MORC1: variants seen among roughly 807,000 people sequenced by gnomAD.
MORC1 encodes the protein MORC family CW-type zinc finger 1.
Under a neutral mutation model 134.9 loss-of-function variants are expected in MORC1, and 59 were observed. That is an observed-to-expected ratio of 0.44 (90% CI 0.35 to 0.54). The LOEUF (loss-of-function observed/expected upper bound fraction) is 0.54, where lower values mean the gene tolerates loss of function less well. Ranked by LOEUF, MORC1 falls within the 20% of genes least tolerant of loss-of-function variation. The pLI is 0.00. For synonymous variants in MORC1, 395 were observed against 391.7 expected (o/e 1.01, Z -0.10); for missense variants, 947 against 1,134.5 (o/e 0.83, Z 2.37).
chr3:108,969,999 A>G (rs1312553951), intron 25 of MORC1, among the ~76,000 whole-genome samples: 1 of 152,254 alleles, frequency 6.6e-6, no homozygotes, highest in Non-Finnish European at 1.5e-5. Context: ...AGGAAAATTA[A>G]GCGATAAAAT....
rs761608344 is a variant in MORC1, at chr3:109,005,187, T to G, written c.1896A>C (p.Val632=). Residue 632 remains valine (V), a synonymous_variant, in exon 19 of 28, where the codon GTA becomes GTC. Coordinates refer to ENST00000232603, the MANE Select transcript of MORC1 (RefSeq NM_014429.4). The stretch of plus-strand genomic sequence containing the variant: ...TAATTTTTGTTTCTGAAATATACTC[T>G]ACATCAGAGTCTGTCTCTTCTATGT... ...KRNIEETDSD[V]EYISETKIMK... 5 of 1,614,048 alleles carry G rather than the reference T, an allele frequency of 3.1e-6. No individual in the cohort carries two copies. In the East Asian group the frequency reaches 1.1e-4, roughly 36 times the overall value.
intron 14 of MORC1, among the ~76,000 whole-genome samples, chr3:109,038,863 A>G (rs555059424): frequency 6.6e-6 from 1 of 152,128 alleles, no homozygotes; most frequent in Non-Finnish European, 1.5e-5. Flanking sequence ...GTTTGAAGTC[A>G]GGTAGCGCGA....
intron 14 of MORC1, among the ~76,000 whole-genome samples, chr3:109,040,488 G>GAAAGAAA (rs1553753680): frequency 1.1e-5 from 1 of 92,476 alleles, no homozygotes. Context: ...AAGAAAGAAA[G>GAAAGAAA]GAAAGAAAAG....
chr3:108,979,593 C>A lies in MORC1; in HGVS notation c.2399G>T (p.Cys800Phe). Residue 800 changes from cysteine (C) to phenylalanine (F), a missense_variant, in exon 24 of 28, where the codon TGT becomes TTT. By Grantham distance (205) the Cys-to-Phe change is radical (BLOSUM62 -2). Transcript: ENST00000232603. The stretch of plus-strand genomic sequence containing the variant: ...AGACGCTGGCGAAGAAGCAACTTTA[C>A]AACTGCCACTCACAGAAACTCTGGC... Reference protein sequence around the residue: ...HIARVSVSGSCKVASSPASSQ... With the variant: ...HIARVSVSGSFKVASSPASSQ... 1 of 1,614,186 alleles carries A rather than the reference C, an allele frequency of 6.2e-7. No homozygotes were observed. The highest frequency in any genetic ancestry group is 8.5e-7 in the Non-Finnish European group (1 of 1,180,020).
chr3:109,093,368 A>G (rs1457566065), intron 8 of MORC1, 68 bp downstream of exon 8: 1 of 1,186,164 alleles, frequency 8.4e-7, no homozygotes, highest in African/African-American at 1.5e-5. Context: ...ACCTGGAGCC[A>G]GGATGCAGGG....
At chr3:108,982,522 G>A (rs1432662246) in intron 23 of MORC1, among the ~76,000 whole-genome samples, 3 of 130,696 alleles carry the variant, frequency 2.3e-5, no homozygotes, top group African/African-American at 6.0e-5. Flanking sequence ...GGTGGGAATC[G>A]AACAATAAGA....
chr3:109,114,812 A>G (rs1248631356), intron 1 of MORC1, among the ~76,000 whole-genome samples: 2 of 152,246 alleles, frequency 1.3e-5, no homozygotes, highest in African/African-American at 2.4e-5. Flanking sequence ...ATTTCTGAAG[A>G]ATACTGATCA....
intron 12 of MORC1, among the ~76,000 whole-genome samples, chr3:109,058,315 A>G (rs781520042): frequency 1.3e-5 from 2 of 152,138 alleles, no homozygotes; most frequent in African/African-American, 2.4e-5. Context: ...TTGTGATGTC[A>G]TAAGAACTAA....
Position 109,107,560 on chromosome 3 carries a change from C to A in MORC1, c.154+3189G>T, listed in dbSNP as rs527701903. 1.2e-3 allele frequency among the ~76,000 whole-genome samples: 179 copies of A among 151,982 alleles called. 1 individual carries two copies. The highest frequency in any genetic ancestry group is 4.1e-3 in the African/African-American group (171 of 41,506). The stretch of plus-strand genomic sequence containing the variant: ...ATACACACAAACGTATAAAACACCA[C>A]GGGAAACATATTTCATTTGAATTTT... On this transcript the variant is annotated intron_variant, in intron 3 of 27. Coordinates refer to ENST00000232603, the MANE Select transcript of MORC1 (RefSeq NM_014429.4).
At chr3:109,110,274 T>A (rs1311081243) in intron 3 of MORC1, 1 of 154,314 alleles carries the variant, frequency 6.5e-6, no homozygotes, top group African/African-American at 2.4e-5. Flanking sequence ...AGCATCATAG[T>A]CTAATGAGAT....
At position 109,100,409 on chromosome 3, in the gene MORC1, A is replaced by G. The variant is rs767354132; in HGVS notation, c.314+8T>C. On this transcript the variant is annotated splice_region_variant and intron_variant, in intron 5 of 27. Coordinates refer to ENST00000232603, the MANE Select transcript of MORC1 (RefSeq NM_014429.4). Reference sequence around the variant, plus strand: ...TAATATATGTCTTAAGGGAAAAAAAATTCTCACCTTTTAAGACCATTGCCG... The same window carrying G: ...TAATATATGTCTTAAGGGAAAAAAAGTTCTCACCTTTTAAGACCATTGCCG... The G allele has an allele frequency of 6.2e-7, 1 of 1,601,948 alleles. No homozygotes were observed.
chr3:109,033,311 A>AGGAAGGAG (rs1313937144), intron 15 of MORC1, among the ~76,000 whole-genome samples: 1 of 149,306 alleles, frequency 6.7e-6, no homozygotes, highest in Non-Finnish European at 1.5e-5. Context: ...GAAGGAAGGA[A>AGGAAGGAG]GGAAGGAAGG....
intron 8 of MORC1, among the ~76,000 whole-genome samples, chr3:109,080,750 A>C (rs781057417): frequency 2.8e-4 from 42 of 152,176 alleles, no homozygotes; most frequent in Non-Finnish European, 7.3e-5. Context: ...AATAGCAAAT[A>C]ATGATTTTTA....
At chr3:109,061,267 T>C (rs1239478392) in intron 11 of MORC1, among the ~76,000 whole-genome samples, 2 of 152,236 alleles carry the variant, frequency 1.3e-5, no homozygotes, top group Non-Finnish European at 2.9e-5. Context: ...CAAATAAATA[T>C]GTTGCTTAAT....
chr3:109,095,344 A>C (rs1238690681), intron 6 of MORC1, among the ~76,000 whole-genome samples: 1 of 152,234 alleles, frequency 6.6e-6, no homozygotes, highest in Non-Finnish European at 1.5e-5. Flanking sequence ...CAACAGAATC[A>C]GCATTTTAAA....
intron 17 of MORC1, among the ~76,000 whole-genome samples, chr3:109,009,091 T>G (rs1031853561): frequency 6.6e-6 from 1 of 152,204 alleles, no homozygotes; most frequent in Non-Finnish European, 1.5e-5. Flanking sequence ...ATTCAGTCCT[T>G]TGATGTAGAA....
chr3:109,001,611 A>G (rs1048268307), intron 20 of MORC1, among the ~76,000 whole-genome samples: 2 of 152,218 alleles, frequency 1.3e-5, no homozygotes, highest in Admixed American at 6.5e-5. Flanking sequence ...ATGAAATAAT[A>G]AATTCCTGGT....
At chr3:109,072,576 T>A (rs968759980) in intron 8 of MORC1, among the ~76,000 whole-genome samples, 4 of 152,216 alleles carry the variant, frequency 2.6e-5, no homozygotes, top group African/African-American at 9.6e-5. Context: ...AGGACTTCCC[T>A]GGCTTAATTT....
At chr3:109,036,902 G>A (rs1949392225) in intron 14 of MORC1, among the ~76,000 whole-genome samples, 1 of 152,162 alleles carries the variant, frequency 6.6e-6, no homozygotes, top group Non-Finnish European at 1.5e-5. Flanking sequence ...TTTTTGTGGA[G>A]AATCAAGCAA....
Sources: allele counts gnomAD v4.1 joint callset (sites outside exome capture counted in the v4.1 genomes callset), GRCh38; gene constraint gnomAD v4.1.1; transcripts MANE v1.5; gene names NCBI Gene and HGNC (gene_info 2026-07-23, HGNC 2026-07-21).